FDX1: variants seen among roughly 807,000 people sequenced by gnomAD.
The protein encoded by FDX1 is ferredoxin 1.
A neutral mutation model predicts 14.9 loss-of-function variants in FDX1; 9 were observed. The ratio of observed to expected loss-of-function variants is 0.60; its 90% CI spans 0.36 to 1.05. FDX1 has a LOEUF of 1.05. FDX1 is among the 50% of genes least tolerant of loss of function. The pLI is 0.01. For synonymous variants in FDX1, 92 were observed against 99.4 expected, an observed-to-expected ratio of 0.93 and a Z score of 0.44; for missense variants, 204 against 237.2, an observed-to-expected ratio of 0.86 and a Z score of 0.92.
At chr11:110,451,343 T>C (rs982359589) in intron 2 of FDX1, among the ~76,000 whole-genome samples, 14 of 152,218 alleles carry the variant, frequency 9.2e-5, no homozygotes, top group African/African-American at 3.4e-4. Context: ...TTCTAACTCT[T>C]GTAATTGTAG....
At chr11:110,430,439 C>G in intron 1 of FDX1, 134 bp downstream of exon 1, 1 of 516,132 alleles carries the variant, frequency 1.9e-6, no homozygotes, top group Non-Finnish European at 2.8e-6. Flanking sequence ...CTGCCTCTCG[C>G]CCCCCTCTTC....
At chr11:110,437,255 A>G (rs1475692415) in intron 2 of FDX1, among the ~76,000 whole-genome samples, 1 of 152,192 alleles carries the variant, frequency 6.6e-6, no homozygotes, top group African/African-American at 2.4e-5. Flanking sequence ...TGGCCTCCCA[A>G]AGTGCTGGCA....
At chr11:110,442,800 CA>C (rs1946413087) in intron 2 of FDX1, among the ~76,000 whole-genome samples, 1 of 152,080 alleles carries the variant, frequency 6.6e-6, no homozygotes. Flanking sequence ...TGGGAGGGAC[CA>C]GGGGCAGAAT....
chr11:110,454,581 CTTAA>C (rs1946510054), intron 2 of FDX1, among the ~76,000 whole-genome samples: 1 of 152,134 alleles, frequency 6.6e-6, no homozygotes, highest in Non-Finnish European at 1.5e-5. Context: ...ACTTCTGGGG[CTTAA>C]TTCTTAATTC....
chr11:110,434,334 A>ATTTGCTTT lies in FDX1; in HGVS notation c.186-1497_186-1496insGCTTTTTT, dbSNP rs71476086. ...CACTGGAAAAGCAATCGCCCTATTG[A>ATTTGCTTT]TTTTTTTTTTTTTTTTTTTGGAGAC... On this transcript the variant is annotated intron_variant, in intron 1 of 3. Coordinates refer to ENST00000260270, the MANE Select transcript of FDX1 (RefSeq NM_004109.5). 8.5e-3 allele frequency among the ~76,000 whole-genome samples: 1,068 copies of ATTTGCTTT among 126,280 alleles called. 51 individuals are homozygous for ATTTGCTTT. Among genetic ancestry groups the ATTTGCTTT allele is most frequent in the African/African-American group, 0.026 (857 of 33,044 alleles). The allele number at this position is 126,280 out of a possible 152,430, so 82.8% of individuals were successfully genotyped here.
intron 2 of FDX1, among the ~76,000 whole-genome samples, chr11:110,443,528 C>T (rs780220053): frequency 4.6e-5 from 7 of 150,864 alleles, no homozygotes; most frequent in Non-Finnish European, 1.0e-4. Context: ...GCAACCTCTG[C>T]CTCCCTGGTT....
intron 1 of FDX1, among the ~76,000 whole-genome samples, chr11:110,434,729 T>TG (rs1946356899): frequency 7.6e-6 from 1 of 131,238 alleles, no homozygotes; most frequent in Non-Finnish European, 1.6e-5. Flanking sequence ...TTTTTTGTTT[T>TG]TTTTTTTTTT....
intron 2 of FDX1, among the ~76,000 whole-genome samples, chr11:110,436,975 C>T (rs1307251370): frequency 6.6e-6 from 1 of 152,088 alleles, no homozygotes; most frequent in South Asian, 2.1e-4. Context: ...AGAGTTGGCA[C>T]TCAATAATAT....
At chr11:110,439,358 C>T (rs1010700369) in intron 2 of FDX1, among the ~76,000 whole-genome samples, 11 of 152,020 alleles carry the variant, frequency 7.2e-5, no homozygotes, top group African/African-American at 2.7e-4. Flanking sequence ...CAGGTGCATG[C>T]TACCATGCCC....
intron 2 of FDX1, among the ~76,000 whole-genome samples, chr11:110,446,116 T>C (rs1433772438): frequency 6.6e-6 from 1 of 152,190 alleles, no homozygotes. Context: ...AAAGATAAGC[T>C]TGAGATAAGT....
Position 110,463,206 on chromosome 11 carries a change from A to G in FDX1, c.*738A>G, listed in dbSNP as rs2134696662. On this transcript the variant is annotated 3_prime_UTR_variant, in exon 4 of 4. Coordinates refer to ENST00000260270, the MANE Select transcript of FDX1 (RefSeq NM_004109.5). ...GAATGGTTTAACTTTGTACTCTTTG[A>G]AAAATAATGCTGATTTATAAATCTC... is the stretch of plus-strand genomic sequence containing the variant. 6.6e-6 allele frequency: 1 copy of G among 152,354 alleles called. No individual in the cohort carries two copies. Among genetic ancestry groups the G allele is most frequent in the East Asian group, 1.9e-4 (1 of 5,186 alleles). 9.4% of individuals were successfully genotyped at this position (152,354 alleles called of 1,614,324 possible).
rs544984583 is a variant in FDX1, at chr11:110,430,130, G to T, written c.10G>T (p.Ala4Ser). 5.5e-5 allele frequency: 68 copies of T among 1,239,204 alleles called. 1 individual carries two copies. The African/African-American group carries it at 8.3e-4, about 15-fold the overall frequency. The allele number at this position is 1,239,204 out of a possible 1,614,324, so 76.8% of individuals were successfully genotyped here. Reference sequence around the variant, plus strand: ...TTCCCGACCGCGGGCGATGGCTGCCGCTGGGGGCGCCCGGCTGCTGCGCGC... The same window carrying T: ...TTCCCGACCGCGGGCGATGGCTGCCTCTGGGGGCGCCCGGCTGCTGCGCGC... MAAAGGARLLRAAS... is the reference protein window; with the variant it reads MAASGGARLLRAAS... Residue 4 changes from alanine (A) to serine (S), a missense_variant, in exon 1 of 4, where the codon GCT (alanine) becomes TCT (serine). Coordinates refer to ENST00000260270, the MANE Select transcript of FDX1 (RefSeq NM_004109.5).
At position 110,456,902 on chromosome 11, in the gene FDX1, T is replaced by G; in HGVS notation, c.311-16T>G. Reference sequence around the variant, plus strand: ...ATGTAGAAGGGACTATGTTCAGTGTTTGTTGCTTTTGTCAGGTGCATGTGA... The same window carrying G: ...ATGTAGAAGGGACTATGTTCAGTGTGTGTTGCTTTTGTCAGGTGCATGTGA... On this transcript the variant is annotated splice_polypyrimidine_tract_variant and intron_variant, in intron 2 of 3. Transcript: ENST00000260270. The G allele has an allele frequency of 1.9e-6, 3 of 1,606,578 alleles. No homozygotes were observed. In the South Asian group the frequency reaches 3.3e-5, roughly 18 times the overall value.
chr11:110,451,877 T>C (rs1011128441), intron 2 of FDX1, among the ~76,000 whole-genome samples: 3 of 152,230 alleles, frequency 2.0e-5, no homozygotes, highest in Non-Finnish European at 2.9e-5. Flanking sequence ...ATACCACATT[T>C]TCTTTATCTC....
chr11:110,454,244 A>G (rs1946507363), intron 2 of FDX1, among the ~76,000 whole-genome samples: 2 of 152,218 alleles, frequency 1.3e-5, no homozygotes, highest in African/African-American at 4.8e-5. Context: ...AAATTTAAAT[A>G]AGAGAATAGA....
intron 1 of FDX1, among the ~76,000 whole-genome samples, chr11:110,432,976 A>G (rs1946341003): frequency 6.6e-6 from 1 of 152,218 alleles, no homozygotes; most frequent in African/African-American, 2.4e-5. Flanking sequence ...ACAGTTATTA[A>G]TCAGTGTGTG....
At position 110,444,710 on chromosome 11, in the gene FDX1, A is replaced by ATATATATATATACGTG. The variant is rs1946434939; in HGVS notation, c.310+8767_310+8768insGTATATATATATACGT. Among the ~76,000 whole-genome samples, 16 of 76,356 alleles carry ATATATATATATACGTG rather than the reference A, an allele frequency of 2.1e-4. 1 individual carries two copies. In the Admixed American group the frequency reaches 2.1e-3, roughly 10 times the overall value. 50.1% of individuals were successfully genotyped at this position (76,356 alleles called of 152,430 possible). A position where few individuals can be genotyped will look rare whatever the true frequency, so the allele number is the denominator to read the frequency against. ...CACGTATATATATATATATACGTAT[A>ATATATATATATACGTG]TATATATATATACGTATATATATAT... On this transcript the variant is annotated intron_variant, in intron 2 of 3. Coordinates refer to ENST00000260270, the MANE Select transcript of FDX1 (RefSeq NM_004109.5).
chr11:110,435,192 C>T (rs1946360565), intron 1 of FDX1, among the ~76,000 whole-genome samples: 1 of 151,950 alleles, frequency 6.6e-6, no homozygotes. Flanking sequence ...GCTGGGACTA[C>T]AGATCACATC....
Position 110,464,464 on chromosome 11 carries a change from A to T in FDX1, c.*1996A>T, listed in dbSNP as rs1946580546. 6.6e-6 allele frequency: 1 copy of T among 152,180 alleles called. No homozygotes were observed. Among genetic ancestry groups the T allele is most frequent in the Admixed American group, 6.5e-5 (1 of 15,280 alleles). 9.4% of individuals were successfully genotyped at this position (152,180 alleles called of 1,614,324 possible). A position where few individuals can be genotyped will look rare whatever the true frequency, so the allele number is the denominator to read the frequency against. ...AAGAGGGCAAAATGATTATCCTTTT[A>T]TCAGGAGCCCACTTCTGACATAACT... On this transcript the variant is annotated 3_prime_UTR_variant, in exon 4 of 4. Transcript: ENST00000260270.
Sources: allele counts gnomAD v4.1 joint callset (sites outside exome capture counted in the v4.1 genomes callset), GRCh38; gene constraint gnomAD v4.1.1; transcripts MANE v1.5; gene names NCBI Gene and HGNC (gene_info 2026-07-23, HGNC 2026-07-21).